SPINT1: variants seen among roughly 807,000 people sequenced by gnomAD.
The protein encoded by SPINT1 is serine peptidase inhibitor, Kunitz type 1.
Under a neutral mutation model 53.7 loss-of-function variants are expected in SPINT1, and 38 were observed. That is an observed-to-expected ratio of 0.71 (90% CI 0.55 to 0.93). The LOEUF (loss-of-function observed/expected upper bound fraction) is 0.93. Among genes scored for constraint, SPINT1 ranks in the 40% least tolerant of loss-of-function variants. The pLI, the probability that SPINT1 is intolerant of heterozygous loss-of-function variation, is 0.00. For synonymous variants in SPINT1, 283 were observed against 280.6 expected (o/e 1.01, Z -0.08); for missense variants, 645 against 692.9 (o/e 0.93, Z 0.78).
Position 40,844,665 on chromosome 15 carries a change from A to T in SPINT1, c.111A>T (p.Pro37=). Residue 37 remains proline, a synonymous_variant, in exon 2 of 11, where the codon CCA becomes CCT. Transcript: ENST00000562057. The surrounding 1 kb of genome is among the most constrained non-coding windows in gnomAD (Gnocchi z 5.8). The stretch of plus-strand genomic sequence containing the variant: ...GCCTCCAGGGCACCCAGGCCGGGCC[A>T]CCGCCCGCGCCCCCTGGGCTGCCCG... ...TLGLQGTQAG[P]PPAPPGLPAG... is the part of the protein sequence containing the mutation. 5 of 1,604,930 alleles carry T rather than the reference A, an allele frequency of 3.1e-6. No individual in the cohort carries two copies. Among genetic ancestry groups the T allele is most frequent in the Non-Finnish European group, 4.3e-6 (5 of 1,176,034 alleles).
intron 2 of SPINT1, among the ~76,000 whole-genome samples, chr15:40,845,318 A>ATTTTTTTTTTT (rs34480117): frequency 1.7e-5 from 1 of 58,182 alleles, no homozygotes; most frequent in Non-Finnish European, 3.1e-5. Flanking sequence ...GACCCGGCTA[A>ATTTTTTTTTTT]TTTTTTTTTT....
At position 40,844,213 on chromosome 15, in the gene SPINT1, C is replaced by A. The variant is rs1051584100; in HGVS notation, c.-66+27C>A. 4.8e-6 allele frequency: 2 copies of A among 419,484 alleles called. No individual in the cohort carries two copies. Among genetic ancestry groups the A allele is most frequent in the Non-Finnish European group, 4.4e-6 (1 of 226,222 alleles). 26.0% of individuals were successfully genotyped at this position (419,484 alleles called of 1,614,324 possible). A position where few individuals can be genotyped will look rare whatever the true frequency, so the allele number is the denominator to read the frequency against. ...TAACCCGGGCCCCCGCGCGCAAGGCCGAGGCGCAGGCGGAGCGGGCTGGAG... is the reference window on the plus strand; with the variant it reads ...TAACCCGGGCCCCCGCGCGCAAGGCAGAGGCGCAGGCGGAGCGGGCTGGAG... On this transcript the variant is annotated intron_variant, in intron 1 of 10. Transcript: ENST00000562057. The surrounding 1 kb of genome is among the most constrained non-coding windows in gnomAD (Gnocchi z 5.8).
intron 10 of SPINT1, 82 bp downstream of exon 10, chr15:40,856,405 A>G: frequency 6.4e-7 from 1 of 1,560,942 alleles, no homozygotes; most frequent in Non-Finnish European, 8.8e-7. Flanking sequence ...TGACAGCCTA[A>G]CCTGTGTTGA....
rs1374940723 is a variant in SPINT1, at chr15:40,844,833, C to T, written c.279C>T (p.Thr93=). 6.2e-7 allele frequency: 1 copy of T among 1,613,678 alleles called. No individual in the cohort carries two copies. Among genetic ancestry groups the T allele is most frequent in the Non-Finnish European group, 8.5e-7 (1 of 1,179,994 alleles). ...RGWDCVRACC[T]TQNCNLALVE... ...GGGACTGCGTGCGCGCCTGCTGCACCACCCAGAACTGCAACTTGGCGCTAG... is the reference window on the plus strand; with the variant it reads ...GGGACTGCGTGCGCGCCTGCTGCACTACCCAGAACTGCAACTTGGCGCTAG... Residue 93 remains threonine, a synonymous_variant, in exon 2 of 11, where the codon ACC becomes ACT. Transcript: ENST00000562057. This position sits in a 1 kb window ranked among gnomAD's most constrained non-coding sequence, Gnocchi z 5.8.
At position 40,844,960 on chromosome 15, in the gene SPINT1, G is replaced by C; in HGVS notation, c.406G>C (p.Gly136Arg). The change falls in exon 2 of 11, where the codon GGC becomes CGC. Residue 136 changes from glycine (G) to arginine (R), a missense_variant. Transcript: ENST00000562057. The surrounding 1 kb of genome is among the most constrained non-coding windows in gnomAD (Gnocchi z 5.8). ...NFVCKFAPREGFINYLTREVY... is the reference protein window; with the variant it reads ...NFVCKFAPRERFINYLTREVY... ...CGTGTGCAAGTTCGCGCCCAGGGAGGGCTTCATCAACTACCTCACGAGGGA... is the reference window on the plus strand; with the variant it reads ...CGTGTGCAAGTTCGCGCCCAGGGAGCGCTTCATCAACTACCTCACGAGGGA... The C allele has an allele frequency of 6.2e-7, 1 of 1,613,882 alleles. No individual in the cohort carries two copies.
intron 8 of SPINT1, 105 bp downstream of exon 8, chr15:40,854,794 G>C: frequency 2.8e-6 from 4 of 1,451,906 alleles, no homozygotes; most frequent in Admixed American, 3.5e-5. Flanking sequence ...GTACGGGCCT[G>C]TGGGCACAAA....
Position 40,844,976 on chromosome 15 carries a change from T to A in SPINT1, c.422T>A (p.Leu141His), listed in dbSNP as rs144779474. The A allele has an allele frequency of 6.2e-7, 1 of 1,613,570 alleles. No individual in the cohort carries two copies. The highest frequency in any genetic ancestry group is 2.2e-5 in the East Asian group (1 of 44,868). Residue 141 changes from leucine to histidine, a missense_variant, in exon 2 of 11, where the codon CTC becomes CAC. Coordinates refer to ENST00000562057, the MANE Select transcript of SPINT1 (RefSeq NM_003710.4). The surrounding 1 kb of genome is among the most constrained non-coding windows in gnomAD (Gnocchi z 5.8). ...FAPREGFINY[L>H]TREVYRSYRQ... is the part of the protein sequence containing the mutation. ...CCCAGGGAGGGCTTCATCAACTACC[T>A]CACGAGGGAAGTGTACCGCTCCTAC...
rs1891245975 is a variant in SPINT1, at chr15:40,845,018, A to C, written c.464A>C (p.Gln155Pro). 1.9e-6 allele frequency: 3 copies of C among 1,605,580 alleles called. No homozygotes were observed. The highest frequency in any genetic ancestry group is 2.2e-5 in the East Asian group (1 of 44,818). ...CGCTCCTACCGCCAGCTGCGGACCCAGGGCTTTGGAGGTGAGGAGGGTGCC... is the reference window on the plus strand; with the variant it reads ...CGCTCCTACCGCCAGCTGCGGACCCCGGGCTTTGGAGGTGAGGAGGGTGCC... ...VYRSYRQLRT[Q>P]GFGGSGIPKA... Residue 155 changes from glutamine to proline, a missense_variant, in exon 2 of 11, where the codon CAG (glutamine) becomes CCG (proline). By Grantham distance (76) the Gln-to-Pro change is moderately conservative. Coordinates refer to ENST00000562057, the MANE Select transcript of SPINT1 (RefSeq NM_003710.4).
intron 2 of SPINT1, among the ~76,000 whole-genome samples, chr15:40,848,940 T>C (rs1290814696): frequency 7.5e-6 from 1 of 133,376 alleles, no homozygotes; most frequent in African/African-American, 2.6e-5. Flanking sequence ...GTTTTTCTGT[T>C]TTTTTTTTTT....
rs903607882 is a variant in SPINT1, at chr15:40,858,050, AGCCCTGGCTTCTGC to A, written c.*1078_*1091del. 4 of 152,082 alleles carry A rather than the reference AGCCCTGGCTTCTGC, an allele frequency of 2.6e-5. No homozygotes were observed. Among genetic ancestry groups the A allele is most frequent in the Non-Finnish European group, 4.4e-5 (3 of 68,016 alleles). The allele number at this position is 152,082 out of a possible 1,614,324, so 9.4% of individuals were successfully genotyped here. On this transcript the variant is annotated 3_prime_UTR_variant, in exon 11 of 11. Coordinates refer to ENST00000562057, the MANE Select transcript of SPINT1 (RefSeq NM_003710.4). ...GACTAGCTGTCTCCCTCCCAACAGA[AGCCCTGGCTTCTGC>A]GCTGGAGTGCAGCACCCCCAACCAG...
chr15:40,858,169 C>G lies in SPINT1; in HGVS notation c.*1194C>G, dbSNP rs1465684045. The G allele has an allele frequency of 1.5e-5, 2 of 132,948 alleles. No individual in the cohort carries two copies. The highest frequency in any genetic ancestry group is 6.7e-5 in the African/African-American group (2 of 30,036). The allele number at this position is 132,948 out of a possible 1,614,324, so 8.2% of individuals were successfully genotyped here. A position where few individuals can be genotyped will look rare whatever the true frequency, so the allele number is the denominator to read the frequency against. ...CCCCTGCATTTGTTCAAGCTACCTC[C>G]CGGTGCCAAAAAAAAAAAAAAATCA... On this transcript the variant is annotated 3_prime_UTR_variant, in exon 11 of 11. Transcript: ENST00000562057.
intron 2 of SPINT1, among the ~76,000 whole-genome samples, chr15:40,852,352 C>G (rs565210195): frequency 1.2e-4 from 18 of 152,270 alleles, no homozygotes; most frequent in Admixed American, 7.2e-4. Context: ...CTGCAAAGAC[C>G]CTTTTCCCAA....
chr15:40,850,151 A>G (rs1891416140), intron 2 of SPINT1, among the ~76,000 whole-genome samples: 1 of 152,004 alleles, frequency 6.6e-6, no homozygotes, highest in Non-Finnish European at 1.5e-5. Flanking sequence ...CCGGCTCACC[A>G]CAACTCCGCC....
intron 2 of SPINT1, among the ~76,000 whole-genome samples, chr15:40,850,447 ATAGCTGATGC>A (rs1891423877): frequency 6.6e-6 from 1 of 152,234 alleles, no homozygotes; most frequent in African/African-American, 2.4e-5. Flanking sequence ...ATGCTAAGCT[ATAGCTGATGC>A]AGGTAGAGTA....
chr15:40,854,821 C>T (rs1891586371), intron 8 of SPINT1, 132 bp downstream of exon 8: 1 of 1,142,434 alleles, frequency 8.8e-7, no homozygotes, highest in Non-Finnish European at 1.3e-6. Flanking sequence ...GGGTGGGCTC[C>T]CCGTTCTCCA....
At chr15:40,853,002 A>C (rs968960512) in intron 2 of SPINT1, 122 bp from the exon 3 acceptor site, 2 of 1,276,458 alleles carry the variant, frequency 1.6e-6, no homozygotes, top group Non-Finnish European at 2.2e-6. Flanking sequence ...CACCCCATGC[A>C]GGCTGTGGAG....
At chr15:40,849,025 T>A (rs1289827489) in intron 2 of SPINT1, among the ~76,000 whole-genome samples, 8 of 151,378 alleles carry the variant, frequency 5.3e-5, no homozygotes, top group Non-Finnish European at 1.2e-4. Context: ...GGCGGGCGGA[T>A]CACGAGGTCG....
intron 2 of SPINT1, among the ~76,000 whole-genome samples, chr15:40,851,982 C>T (rs1891472650): frequency 6.6e-6 from 1 of 152,204 alleles, no homozygotes; most frequent in Non-Finnish European, 1.5e-5. Flanking sequence ...AATTGTGCCA[C>T]TGCACTCCAG....
At chr15:40,853,418 G>T in intron 3 of SPINT1, 71 bp from the exon 4 acceptor site, 1 of 1,612,100 alleles carries the variant, frequency 6.2e-7, no homozygotes, top group Non-Finnish European at 8.5e-7. Flanking sequence ...GTGGGTGTGT[G>T]TCTGGCCAGG....
Sources: gnomAD v4.1 joint callset for allele counts (sites outside exome capture counted in the v4.1 genomes callset) on GRCh38, gnomAD v4.1.1 for gene constraint, Gnocchi (gnomAD v3.1) non-coding constraint, MANE v1.5 for transcripts, NCBI Gene and HGNC (gene_info 2026-07-23, HGNC 2026-07-21) for gene names.